The following PRCP variants were observed in gnomAD, a reference collection of about 807,000 sequenced individuals.
PRCP encodes the protein lysosomal Pro-X carboxypeptidase.
PRCP carries 46 observed loss-of-function variants against 54.2 expected under a neutral mutation model. That is an observed-to-expected ratio of 0.85 (90% CI 0.67 to 1.09). The LOEUF (loss-of-function observed/expected upper bound fraction) is 1.09. PRCP is among the 50% of genes least tolerant of loss of function. The pLI is 0.00. For synonymous variants in PRCP, 240 were observed against 212.2 expected (o/e 1.13, Z -1.14); for missense variants, 613 against 596.8 (o/e 1.03, Z -0.28).
At chr11:82,875,601 G>C (rs539032718) in intron 1 of PRCP, among the ~76,000 whole-genome samples, 1 of 152,052 alleles carries the variant, frequency 6.6e-6, no homozygotes, top group African/African-American at 2.4e-5. Flanking sequence ...TCTGTGTGCC[G>C]GGCTATACTG....
At chr11:82,848,320 A>C (rs1331603217) in intron 6 of PRCP, among the ~76,000 whole-genome samples, 2 of 152,254 alleles carry the variant, frequency 1.3e-5, no homozygotes, top group African/African-American at 4.8e-5. Flanking sequence ...ACATGAAAAG[A>C]ACCTTAAAAT....
chr11:82,893,885 A>C (rs891416183), intron 1 of PRCP, among the ~76,000 whole-genome samples: 3 of 152,240 alleles, frequency 2.0e-5, no homozygotes, highest in Admixed American at 1.3e-4. Flanking sequence ...AATTAAGTGA[A>C]TGTCTATTAA....
chr11:82,832,780 T>C (rs997746003), intron 8 of PRCP, among the ~76,000 whole-genome samples: 113 of 152,356 alleles, frequency 7.4e-4, no homozygotes, highest in African/African-American at 2.5e-3. Context: ...TCTTTGCCCA[T>C]GTCTATGCTT....
chr11:82,876,297 C>A (rs1348331965), intron 1 of PRCP, among the ~76,000 whole-genome samples: 1 of 152,166 alleles, frequency 6.6e-6, no homozygotes, highest in Non-Finnish European at 1.5e-5. Flanking sequence ...TACAAGGTTG[C>A]AAGGATTCAA....
At chr11:82,853,732 T>C (rs1859014080) in intron 2 of PRCP, among the ~76,000 whole-genome samples, 1 of 152,190 alleles carries the variant, frequency 6.6e-6, no homozygotes. Context: ...CCAATATCCC[T>C]GACGAAAATA....
intron 8 of PRCP, chr11:82,836,909 T>G (rs1858542255): frequency 2.6e-6 from 1 of 383,420 alleles, no homozygotes. Context: ...ATAACCAACT[T>G]GTAATCAAAG....
intron 2 of PRCP, chr11:82,858,262 G>A (rs1365184321): frequency 6.6e-6 from 1 of 152,152 alleles, no homozygotes; most frequent in African/African-American, 2.4e-5. Context: ...AGAAAACTGA[G>A]GCACAGAACA....
At chr11:82,854,986 T>G (rs1859047768) in intron 2 of PRCP, among the ~76,000 whole-genome samples, 1 of 152,212 alleles carries the variant, frequency 6.6e-6, no homozygotes, top group Non-Finnish European at 1.5e-5. Flanking sequence ...AGATTGAAAC[T>G]GGACCCCTTC....
chr11:82,838,547 A>G lies in PRCP; in HGVS notation c.1114T>C (p.Cys372Arg). 6.2e-7 allele frequency: 1 copy of G among 1,613,868 alleles called. No individual in the cohort carries two copies. Among genetic ancestry groups the G allele is most frequent in the Non-Finnish European group, 8.5e-7 (1 of 1,179,864 alleles). Residue 372 changes from cysteine (C) to arginine (R), a missense_variant, in exon 8 of 9, where the codon TGT becomes CGT. By Grantham distance (180) the Cys-to-Arg change is radical. Transcript: ENST00000313010. ...QACTEVVMPF[C>R]TNGVDDMFEP... ...AACATGTCATCGACACCATTAGTAC[A>G]AAAGGGCATGACTACTTCTGTGCAG...
intron 2 of PRCP, among the ~76,000 whole-genome samples, chr11:82,857,492 T>C (rs932881702): frequency 6.6e-6 from 1 of 152,046 alleles, no homozygotes. Flanking sequence ...TAGAACCATC[T>C]ATATCTGGTC....
At chr11:82,863,676 T>G (rs979805694) in intron 1 of PRCP, among the ~76,000 whole-genome samples, 1 of 152,202 alleles carries the variant, frequency 6.6e-6, no homozygotes, top group Non-Finnish European at 1.5e-5. Flanking sequence ...TTTGAAAACA[T>G]GGGTATGTGT....
intron 1 of PRCP, among the ~76,000 whole-genome samples, chr11:82,890,992 C>T (rs1006459557): frequency 3.9e-5 from 6 of 152,198 alleles, no homozygotes; most frequent in African/African-American, 9.7e-5. Flanking sequence ...TCACTAACTC[C>T]TTTGTTGCTC....
chr11:82,838,927 A>T (rs1179924268), intron 7 of PRCP, among the ~76,000 whole-genome samples: 1 of 152,226 alleles, frequency 6.6e-6, no homozygotes, highest in East Asian at 1.9e-4. Context: ...ATATGTCTAT[A>T]AAATGCTTCC....
At chr11:82,882,000 T>G (rs1859758361) in intron 1 of PRCP, among the ~76,000 whole-genome samples, 1 of 152,152 alleles carries the variant, frequency 6.6e-6, no homozygotes, top group South Asian at 2.1e-4. Flanking sequence ...TACAATAAAA[T>G]AAGCTAGGTA....
intron 1 of PRCP, among the ~76,000 whole-genome samples, chr11:82,892,737 G>T (rs746567857): frequency 2.0e-5 from 3 of 152,124 alleles, no homozygotes; most frequent in East Asian, 3.8e-4. Flanking sequence ...TTAAAAATTC[G>T]CCTCACTTCA....
chr11:82,882,339 G>T (rs1015133703), intron 1 of PRCP, among the ~76,000 whole-genome samples: 1 of 152,206 alleles, frequency 6.6e-6, no homozygotes, highest in Non-Finnish European at 1.5e-5. Context: ...GAAGTGTTAT[G>T]TAATAACATT....
chr11:82,852,160 T>C (rs1004364299), intron 3 of PRCP, among the ~76,000 whole-genome samples: 1 of 152,186 alleles, frequency 6.6e-6, no homozygotes, highest in South Asian at 2.1e-4. Context: ...AGTCCCTTAA[T>C]CAGATATTTA....
chr11:82,860,211 T>C, intron 1 of PRCP, 94 bp from the exon 2 acceptor site: 1 of 861,882 alleles, frequency 1.2e-6, no homozygotes, highest in Non-Finnish European at 1.6e-6. Flanking sequence ...AATCAATCTC[T>C]ACTACAAAAA....
chr11:82,867,691 T>C (rs1052113128), intron 1 of PRCP, among the ~76,000 whole-genome samples: 1 of 152,180 alleles, frequency 6.6e-6, no homozygotes, highest in Non-Finnish European at 1.5e-5. Flanking sequence ...CGCCCTTATA[T>C]AAGTAGTAAA....
Sources: allele counts gnomAD v4.1 joint callset (sites outside exome capture counted in the v4.1 genomes callset), GRCh38; gene constraint gnomAD v4.1.1; transcripts MANE v1.5; gene names NCBI Gene and HGNC (gene_info 2026-07-23, HGNC 2026-07-21).